PHLPP2: variants seen among roughly 807,000 people sequenced by gnomAD.
The protein encoded by PHLPP2 is PH domain and leucine rich repeat protein phosphatase 2, also known as PH domain leucine-rich repeat-containing protein phosphatase 2.
In PHLPP2, 66 loss-of-function variants were observed where a neutral mutation model predicts 124.9. That is an observed-to-expected ratio of 0.53 (90% CI 0.43 to 0.65). The LOEUF (loss-of-function observed/expected upper bound fraction) is 0.65. PHLPP2 is among the 30% of genes least tolerant of loss of function. The pLI is 0.00. For missense variants in PHLPP2, 1,685 were observed against 1,600.4 expected (o/e 1.05, Z -0.90); for synonymous variants, 681 against 624.7 (o/e 1.09, Z -1.34).
intron 6 of PHLPP2, among the ~76,000 whole-genome samples, chr16:71,681,401 T>A (rs1001916697): frequency 1.3e-5 from 2 of 152,310 alleles, no homozygotes; most frequent in East Asian, 3.9e-4. Flanking sequence ...GAAATTCTTA[T>A]AATTAGGCCT....
intron 11 of PHLPP2, among the ~76,000 whole-genome samples, chr16:71,668,208 G>A (rs574224570): frequency 9.3e-5 from 14 of 150,980 alleles, no homozygotes; most frequent in Non-Finnish European, 1.6e-4. Context: ...TCAGGAGATC[G>A]AGACCATCCT....
At chr16:71,664,482 C>T (rs1225061771) in intron 12 of PHLPP2, among the ~76,000 whole-genome samples, 1 of 152,224 alleles carries the variant, frequency 6.6e-6, no homozygotes, top group African/African-American at 2.4e-5. Context: ...GGCGCAGTGG[C>T]TCACGCCTAT....
At chr16:71,700,328 C>T (rs1414912785) in intron 3 of PHLPP2, among the ~76,000 whole-genome samples, 1 of 151,600 alleles carries the variant, frequency 6.6e-6, no homozygotes, top group Non-Finnish European at 1.5e-5. Context: ...TCATTTGGGC[C>T]CAGGAGGTTG....
chr16:71,718,738 A>T (rs1414479382), intron 1 of PHLPP2, among the ~76,000 whole-genome samples: 23 of 152,190 alleles, frequency 1.5e-4, no homozygotes, highest in Admixed American at 1.5e-3. Context: ...AAACAACAAC[A>T]ACAAAATATA....
At chr16:71,677,532 G>A (rs1240203200) in intron 8 of PHLPP2, 2 of 127,264 alleles carry the variant, frequency 1.6e-5, no homozygotes, top group African/African-American at 2.9e-5. Context: ...ATGACCTCTG[G>A]GTTTTTTCTA....
At position 71,649,914 on chromosome 16, in the gene PHLPP2, C is replaced by A; in HGVS notation, c.2948G>T (p.Gly983Val). 6.2e-7 allele frequency: 1 copy of A among 1,614,224 alleles called. No individual in the cohort carries two copies. The highest frequency in any genetic ancestry group is 8.5e-7 in the Non-Finnish European group (1 of 1,180,036). Residue 983 changes from glycine to valine, a missense_variant, in exon 19 of 19, where the codon GGA (glycine) becomes GTA (valine). Physicochemically the swap from Gly to Val is moderately radical, Grantham distance 109. Coordinates refer to ENST00000568954, the MANE Select transcript of PHLPP2 (RefSeq NM_015020.3). ...LTIQDELLILGNKALWEHLSY... is the reference protein window; with the variant it reads ...LTIQDELLILVNKALWEHLSY... ...CAAGTGTTCCCACAATGCTTTGTTTCCCAGAATCAGCAACTCATCTTGAAT... is the reference window on the plus strand; with the variant it reads ...CAAGTGTTCCCACAATGCTTTGTTTACCAGAATCAGCAACTCATCTTGAAT...
At chr16:71,662,779 T>A (rs1177902483) in intron 13 of PHLPP2, among the ~76,000 whole-genome samples, 2 of 151,916 alleles carry the variant, frequency 1.3e-5, no homozygotes, top group African/African-American at 4.8e-5. Flanking sequence ...TTTCAGGTAC[T>A]TGAGAGGCTG....
At chr16:71,661,413 T>C (rs1174805694) in intron 13 of PHLPP2, among the ~76,000 whole-genome samples, 1 of 152,192 alleles carries the variant, frequency 6.6e-6, no homozygotes, top group Non-Finnish European at 1.5e-5. Context: ...TCATTTTCTT[T>C]GATATGTTTT....
rs779812847 is a variant in PHLPP2, at chr16:71,655,396, T to C, written c.2429A>G (p.Glu810Gly). Residue 810 changes from glutamate (E) to glycine (G), a missense_variant, in exon 17 of 19, where the codon GAG becomes GGG. Coordinates refer to ENST00000568954, the MANE Select transcript of PHLPP2 (RefSeq NM_015020.3). ...VSALAMDSFA[E>G]GVGAVYGMFD... Reference sequence around the variant, plus strand: ...CATGCCATACACAGCTCCCACCCCCTCTGCAAAGCTATCCATAGCAAGTGC... The same window carrying C: ...CATGCCATACACAGCTCCCACCCCCCCTGCAAAGCTATCCATAGCAAGTGC... The C allele has an allele frequency of 3.7e-5, 60 of 1,613,776 alleles. 2 individuals carry two copies. In the South Asian group the frequency reaches 6.6e-4, roughly 18 times the overall value.
At chr16:71,685,169 T>C (rs932267901) in intron 4 of PHLPP2, among the ~76,000 whole-genome samples, 1 of 151,960 alleles carries the variant, frequency 6.6e-6, no homozygotes, top group African/African-American at 2.4e-5. Context: ...CTACTAAAAA[T>C]ACAAAAAATT....
intron 4 of PHLPP2, among the ~76,000 whole-genome samples, chr16:71,685,246 G>C (rs1045087988): frequency 1.3e-5 from 2 of 152,208 alleles, no homozygotes; most frequent in African/African-American, 4.8e-5. Flanking sequence ...AGAATCGCTT[G>C]AACCCAGGGG....
intron 5 of PHLPP2, among the ~76,000 whole-genome samples, chr16:71,684,170 G>A (rs140567452): frequency 1.1e-3 from 164 of 142,960 alleles, no homozygotes; most frequent in Non-Finnish European, 2.1e-3. Flanking sequence ...TCTGTCATCA[G>A]GCTGGAGTGC....
intron 1 of PHLPP2, among the ~76,000 whole-genome samples, chr16:71,720,061 C>CG (rs1371304249): frequency 6.7e-6 from 1 of 150,284 alleles, no homozygotes; most frequent in Non-Finnish European, 1.5e-5. Context: ...CTCCGCCCCC[C>CG]GGGGTTCATG....
Position 71,678,875 on chromosome 16 carries a change from A to T in PHLPP2, c.1148T>A (p.Ile383Asn). ...LGISFNNFSQ[I>N]PEVYEKLTML... is the part of the protein sequence containing the mutation. Reference sequence around the variant, plus strand: ...AGTGAGTTTCTCATAAACCTCAGGAATTTGACTAAAGTTGTTGAAGGAAAT... The same window carrying T: ...AGTGAGTTTCTCATAAACCTCAGGATTTTGACTAAAGTTGTTGAAGGAAAT... The change falls in exon 8 of 19, where the codon ATT (isoleucine) becomes AAT (asparagine). Residue 383 changes from isoleucine to asparagine, a missense_variant. Transcript: ENST00000568954. 1 of 1,612,056 alleles carries T rather than the reference A, an allele frequency of 6.2e-7. No homozygotes were observed. The highest frequency in any genetic ancestry group is 8.5e-7 in the Non-Finnish European group (1 of 1,178,180).
At position 71,647,210 on chromosome 16, in the gene PHLPP2, G is replaced by A. The variant is rs141648584; in HGVS notation, c.*1680C>T. ...ATCAAGCAATGCCAACATTTTGTGG[G>A]AATAAATAGGAATTAATTTTCCTAA... On this transcript the variant is annotated 3_prime_UTR_variant, in exon 19 of 19. Transcript: ENST00000568954. 1 of 152,680 alleles carries A rather than the reference G, an allele frequency of 6.5e-6. No homozygotes were observed. Among genetic ancestry groups the A allele is most frequent in the African/African-American group, 2.4e-5 (1 of 41,552 alleles). The allele number at this position is 152,680 out of a possible 1,614,324, so 9.5% of individuals were successfully genotyped here. A position where few individuals can be genotyped will look rare whatever the true frequency, so the allele number is the denominator to read the frequency against.
chr16:71,705,447 T>C (rs1039112445), intron 2 of PHLPP2, among the ~76,000 whole-genome samples: 1 of 152,198 alleles, frequency 6.6e-6, no homozygotes, highest in Non-Finnish European at 1.5e-5. Context: ...CCAAATTTCC[T>C]GGCCTAAAAA....
At position 71,655,441 on chromosome 16, in the gene PHLPP2, T is replaced by C. The variant is rs1174351753; in HGVS notation, c.2391-7A>G. Reference sequence around the variant, plus strand: ...AAGTGCTGAGACACACAGCCTATAATAGAAACATGAAAACAGAAAACAGAA... The same window carrying C: ...AAGTGCTGAGACACACAGCCTATAACAGAAACATGAAAACAGAAAACAGAA... On this transcript the variant is annotated splice_polypyrimidine_tract_variant and splice_region_variant and intron_variant, in intron 16 of 18. Transcript: ENST00000568954. 5 of 1,598,542 alleles carry C rather than the reference T, an allele frequency of 3.1e-6. No homozygotes were observed. The highest frequency in any genetic ancestry group is 2.7e-5 in the African/African-American group (2 of 74,110).
chr16:71,687,489 T>A (rs570221789), intron 4 of PHLPP2, among the ~76,000 whole-genome samples: 9 of 152,318 alleles, frequency 5.9e-5, no homozygotes, highest in African/African-American at 1.7e-4. Flanking sequence ...TAAAATAACA[T>A]CTGACTATCA....
chr16:71,721,946 A>G (rs964727083), intron 1 of PHLPP2, among the ~76,000 whole-genome samples: 3 of 152,204 alleles, frequency 2.0e-5, no homozygotes, highest in African/African-American at 4.8e-5. Context: ...CTTTTGAAGA[A>G]TATCTGTATT....
Sources: gnomAD v4.1 joint callset for allele counts (sites outside exome capture counted in the v4.1 genomes callset) on GRCh38, gnomAD v4.1.1 for gene constraint, MANE v1.5 for transcripts, NCBI Gene and HGNC (gene_info 2026-07-23, HGNC 2026-07-21) for gene names.